GRID2IP: variants seen among roughly 807,000 people sequenced by gnomAD.
GRID2IP encodes the protein Grid2 interacting protein.
A neutral mutation model predicts 114.3 loss-of-function variants in GRID2IP; 78 were observed. That is an observed-to-expected ratio of 0.68 (90% CI 0.57 to 0.82). The LOEUF (loss-of-function observed/expected upper bound fraction) is 0.82, where lower values mean the gene tolerates loss of function less well. GRID2IP is among the 40% of genes least tolerant of loss of function. The pLI is 0.00. For missense variants in GRID2IP, 1,727 were observed against 1,678.5 expected (o/e 1.03, Z -0.51); for synonymous variants, 809 against 724.0 (o/e 1.12, Z -1.89).
chr7:6,521,993 G>A lies in GRID2IP; in HGVS notation c.920-36C>T. 6.6e-7 allele frequency: 1 copy of A among 1,504,872 alleles called. No homozygotes were observed. Among genetic ancestry groups the A allele is most frequent in the Non-Finnish European group, 9.1e-7 (1 of 1,104,886 alleles). The allele number at this position is 1,504,872 out of a possible 1,614,324, so 93.2% of individuals were successfully genotyped here. ...GAAGAGAGGGTGTGCCGGTCAGCTGGGCAGGGTACCACTTTGAGAGCAGGA... is the reference window on the plus strand; with the variant it reads ...GAAGAGAGGGTGTGCCGGTCAGCTGAGCAGGGTACCACTTTGAGAGCAGGA... On this transcript the variant is annotated intron_variant, in intron 4 of 21. Coordinates refer to ENST00000457091, the MANE Select transcript of GRID2IP (RefSeq NM_001145118.2). The surrounding 1 kb of genome is among the most constrained non-coding windows in gnomAD (Gnocchi z 4.1).
chr7:6,545,202 C>T (rs1779869714), intron 1 of GRID2IP, among the ~76,000 whole-genome samples: 2 of 152,136 alleles, frequency 1.3e-5, no homozygotes, highest in South Asian at 4.1e-4. Flanking sequence ...TCTCTTGTGC[C>T]CGGGAAATCA....
chr7:6,507,980 C>G lies in GRID2IP; in HGVS notation c.2544+5G>C. The G allele has an allele frequency of 6.5e-7, 1 of 1,549,974 alleles. No individual in the cohort carries two copies. Among genetic ancestry groups the G allele is most frequent in the Non-Finnish European group, 8.7e-7 (1 of 1,146,752 alleles). ...CAGAGCGCTGCTGGGTCCCAGGTCA[C>G]CTACCTGACCCCAGATGGTGCCTTC... On this transcript the variant is annotated splice_donor_5th_base_variant and intron_variant, in intron 13 of 21. Coordinates refer to ENST00000457091, the MANE Select transcript of GRID2IP (RefSeq NM_001145118.2). This position sits in a 1 kb window ranked among gnomAD's most constrained non-coding sequence, Gnocchi z 5.3.
chr7:6,548,383 A>T (rs1390407949), intron 1 of GRID2IP, among the ~76,000 whole-genome samples: 1 of 152,100 alleles, frequency 6.6e-6, no homozygotes, highest in Non-Finnish European at 1.5e-5. Context: ...AACGGTGTAG[A>T]TGGATTGTTT....
intron 4 of GRID2IP, 116 bp from the exon 5 acceptor site, chr7:6,522,073 G>A: frequency 1.3e-6 from 1 of 797,758 alleles, no homozygotes; most frequent in Admixed American, 2.2e-5. Context: ...TAGCTTGCCG[G>A]GCATGGTGGC....
rs1363043067 is a variant in GRID2IP, at chr7:6,550,998, C to A, written c.429+10G>T. 8 of 1,242,366 alleles carry A rather than the reference C, an allele frequency of 6.4e-6. No individual in the cohort carries two copies. Among genetic ancestry groups the A allele is most frequent in the East Asian group, 3.2e-5 (1 of 31,172 alleles). The allele number at this position is 1,242,366 out of a possible 1,614,324, so 77.0% of individuals were successfully genotyped here. A position where few individuals can be genotyped will look rare whatever the true frequency, so the allele number is the denominator to read the frequency against. ...CCTTCCCGCCCCCACCTCCCACCCC[C>A]GCGCCTTACCTTGCGGCTGAACTCT... On this transcript the variant is annotated intron_variant, in intron 1 of 21. Transcript: ENST00000457091.
At chr7:6,513,720 G>C (rs763739981) in intron 8 of GRID2IP, among the ~76,000 whole-genome samples, 4 of 152,222 alleles carry the variant, frequency 2.6e-5, no homozygotes, top group Non-Finnish European at 5.9e-5. Flanking sequence ...CCTAGCCCTG[G>C]TGTATTGGGT....
At chr7:6,524,249 C>G (rs929471472) in intron 4 of GRID2IP, among the ~76,000 whole-genome samples, 1 of 152,172 alleles carries the variant, frequency 6.6e-6, no homozygotes, top group Non-Finnish European at 1.5e-5. Context: ...TCAGACGATG[C>G]CCAGCTCACA....
chr7:6,517,875 C>T (rs1188035969), intron 7 of GRID2IP, among the ~76,000 whole-genome samples: 2 of 151,594 alleles, frequency 1.3e-5, no homozygotes, highest in Non-Finnish European at 2.9e-5. Context: ...TGAACTCCAG[C>T]CTGGGCGACA....
intron 9 of GRID2IP, 24 bp from the exon 10 acceptor site, chr7:6,510,730 C>A: frequency 6.5e-7 from 1 of 1,539,876 alleles, no homozygotes; most frequent in Non-Finnish European, 8.8e-7. Context: ...ATGTCATTAC[C>A]GTATCTGAGC....
intron 1 of GRID2IP, among the ~76,000 whole-genome samples, chr7:6,544,048 C>T (rs1313550141): frequency 1.3e-5 from 2 of 152,016 alleles, no homozygotes; most frequent in Admixed American, 1.3e-4. Flanking sequence ...CCTCCCACCT[C>T]GGCCTCCCAA....
Position 6,508,093 on chromosome 7 carries a change from G to T in GRID2IP, c.2436C>A (p.Pro812=), listed in dbSNP as rs995818351. Residue 812 remains proline, a synonymous_variant, in exon 13 of 22, where the codon CCC becomes CCA. Coordinates refer to ENST00000457091, the MANE Select transcript of GRID2IP (RefSeq NM_001145118.2). This position sits in a 1 kb window ranked among gnomAD's most constrained non-coding sequence, Gnocchi z 5.6. ...PLPPPVPCAP[P]MLSRGLGHRR... ...GGTGGCCCAGGCCCCGGGACAGCAT[G>T]GGGGGTGCACAGGGCACGGGTGGGG... 25 of 1,543,600 alleles carry T rather than the reference G, an allele frequency of 1.6e-5. No individual in the cohort carries two copies. Among genetic ancestry groups the T allele is most frequent in the Non-Finnish European group, 2.2e-5 (25 of 1,145,198 alleles).
rs747094936 is a variant in GRID2IP at position 6,510,672 on chromosome 7, C to T, written c.1590G>A (p.Leu530=). ...PSECPEMPLP[L]IPGERQAGDG... ...CGCCTGCCTGGCGCTCGCCTGGGAT[C>T]AGGGGAAGAGGCATCTCAGGGCACT... The change falls in exon 10 of 22, where the codon CTG becomes CTA. Residue 530 remains leucine, a synonymous_variant. Coordinates refer to ENST00000457091, the MANE Select transcript of GRID2IP (RefSeq NM_001145118.2). 2 of 1,542,680 alleles carry T rather than the reference C, an allele frequency of 1.3e-6. No homozygotes were observed. The highest frequency in any genetic ancestry group is 4.9e-5 in the East Asian group (2 of 40,726).
Position 6,551,115 on chromosome 7 carries a change from C to A in GRID2IP, c.322G>T (p.Gly108Cys), listed in dbSNP as rs1045362360. Residue 108 changes from glycine to cysteine, a missense_variant, in exon 1 of 22, where the codon GGC becomes TGC. By Grantham distance (159) the Gly-to-Cys change is radical. Coordinates refer to ENST00000457091, the MANE Select transcript of GRID2IP (RefSeq NM_001145118.2). ...TCACGGCCCAGAGCTAGGCCGCGGC[C>A]GCACCGCGGGGCCCGCAAGACTGTG... The part of the protein sequence containing the change: ...PTTVLRAPRC[G>C]RGLALGRELL... 68 of 1,296,084 alleles carry A rather than the reference C, an allele frequency of 5.2e-5. No homozygotes were observed. The highest frequency in any genetic ancestry group is 6.5e-5 in the Non-Finnish European group (67 of 1,026,024). The allele number at this position is 1,296,084 out of a possible 1,614,324, so 80.3% of individuals were successfully genotyped here.
In GRID2IP at chr7:6,544,971, C is replaced by T. The variant is rs149977856; in HGVS notation, c.430-5099G>A. Among the ~76,000 whole-genome samples, 806 of 152,200 alleles carry T rather than the reference C, an allele frequency of 5.3e-3. 6 individuals are homozygous for T. The highest frequency in any genetic ancestry group is 0.018 in the African/African-American group (767 of 41,526). On this transcript the variant is annotated intron_variant, in intron 1 of 21. Coordinates refer to ENST00000457091, the MANE Select transcript of GRID2IP (RefSeq NM_001145118.2). ...GCGTGATGGCGGGCGCCTGTAGTCC[C>T]AGCTACTCGGGAGGCTGAGGCAGGA...
At chr7:6,530,492 T>A (rs931228675) in intron 2 of GRID2IP, among the ~76,000 whole-genome samples, 1 of 151,000 alleles carries the variant, frequency 6.6e-6, no homozygotes, top group African/African-American at 2.4e-5. Flanking sequence ...CTCGAACTCC[T>A]GACCTCAGAA....
rs1239804959 is a variant in GRID2IP, at chr7:6,503,656, G to T, written c.2742C>A (p.Pro914=). 6 of 1,515,654 alleles carry T rather than the reference G, an allele frequency of 4.0e-6. No individual in the cohort carries two copies. Among genetic ancestry groups the T allele is most frequent in the African/African-American group, 1.4e-5 (1 of 70,556 alleles). 93.9% of individuals were successfully genotyped at this position (1,515,654 alleles called of 1,614,324 possible). The part of the protein sequence containing the change: ...SILLAHLKLS[P]AELRQVLMSM... ...TCATCAGCACCTGGCGCAGCTCCGC[G>T]GGGCTCAGCTTCAGGTGTGCCAAGA... is the stretch of plus-strand genomic sequence containing the variant. Residue 914 remains proline (P), a synonymous_variant, in exon 16 of 22, where the codon CCC becomes CCA. Transcript: ENST00000457091.
Position 6,503,136 on chromosome 7 carries a change from G to A in GRID2IP, c.2935C>T (p.Arg979Cys). 1.3e-6 allele frequency: 2 copies of A among 1,544,248 alleles called. No homozygotes were observed. Among genetic ancestry groups the A allele is most frequent in the Admixed American group, 2.0e-5 (1 of 49,972 alleles). ...QMLSVPEYKT[R>C]LRSLHFQATL... ...GCCTGGAAGTGGAGGCTGCGCAGGC[G>A]TGTCTTGTATTCGGGAACTGACAGC... Residue 979 changes from arginine to cysteine, a missense_variant, in exon 17 of 22, where the codon CGC becomes TGC. Arg to Cys is a radical substitution (Grantham distance 180). Coordinates refer to ENST00000457091, the MANE Select transcript of GRID2IP (RefSeq NM_001145118.2).
Position 6,520,496 on chromosome 7 carries a change from G to C in GRID2IP, c.1268+82C>G. The C allele has an allele frequency of 7.1e-7, 1 of 1,405,076 alleles. No homozygotes were observed. Among genetic ancestry groups the C allele is most frequent in the Non-Finnish European group, 9.6e-7 (1 of 1,039,046 alleles). 87.0% of individuals were successfully genotyped at this position (1,405,076 alleles called of 1,614,324 possible). On this transcript the variant is annotated intron_variant, in intron 7 of 21. Coordinates refer to ENST00000457091, the MANE Select transcript of GRID2IP (RefSeq NM_001145118.2). The surrounding 1 kb of genome is among the most constrained non-coding windows in gnomAD (Gnocchi z 4.6). ...AGGAGAACGGGACTGAGGAGGTTCA[G>C]GCAGGGAGACTGGGATGTGAGTCTA...
rs1276891060 is a variant in GRID2IP at position 6,534,654 on chromosome 7, G to A, written c.584+5064C>T. Among the ~76,000 whole-genome samples, 1 of 152,212 alleles carries A rather than the reference G, an allele frequency of 6.6e-6. No homozygotes were observed. The highest frequency in any genetic ancestry group is 1.9e-4 in the East Asian group (1 of 5,206). On this transcript the variant is annotated intron_variant, in intron 2 of 21. Transcript: ENST00000457091. This position sits in a 1 kb window ranked among gnomAD's most constrained non-coding sequence, Gnocchi z 4.5. ...ACTGTCACTGTTGTGTGCTTGGAAT[G>A]TGGCTAGTGAGACTGAGAAGCTGAA...
Sources: allele counts gnomAD v4.1 joint callset (sites outside exome capture counted in the v4.1 genomes callset), GRCh38; gene constraint gnomAD v4.1.1; non-coding constraint Gnocchi (gnomAD v3.1); transcripts MANE v1.5; gene names NCBI Gene and HGNC (gene_info 2026-07-23, HGNC 2026-07-21).